The following ZBTB8B variants were observed in gnomAD, a reference collection of about 807,000 sequenced individuals.
ZBTB8B encodes zinc finger and BTB domain containing 8B.
In ZBTB8B, 17 loss-of-function variants were observed where a neutral mutation model predicts 30.3. The ratio of observed to expected loss-of-function variants is 0.56; its 90% CI spans 0.38 to 0.84. The LOEUF (loss-of-function observed/expected upper bound fraction) is 0.84. ZBTB8B is among the 40% of genes least tolerant of loss of function. The pLI, the probability that ZBTB8B is intolerant of heterozygous loss-of-function variation, is 0.00. For synonymous variants in ZBTB8B, 248 were observed against 255.6 expected (o/e 0.97, Z 0.28); for missense variants, 515 against 644.9 (o/e 0.80, Z 2.18).
In ZBTB8B at chr1:32,483,747, A is replaced by AG. The variant is rs201470355; in HGVS notation, c.1171-1351dup. ...TCAATTACCAAAGGTGTCCAATGAGAGGGAAAAAAAAAACCATGTCAAAAA... is the reference window on the plus strand; with the variant it reads ...TCAATTACCAAAGGTGTCCAATGAGAGGGGAAAAAAAAAACCATGTCAAAAA... On this transcript the variant is annotated intron_variant, in intron 3 of 3. Transcript: ENST00000609129. 7.0e-3 allele frequency among the ~76,000 whole-genome samples: 1,065 copies of AG among 151,930 alleles called. 15 individuals carry two copies. The highest frequency in any genetic ancestry group is 0.024 in the African/African-American group (1,000 of 41,412).
rs991427937 is a variant in ZBTB8B, at chr1:32,495,390, A to G, written c.*9972A>G. ...ATTCCTGGTTTTTAATGAAATATTT[A>G]TCTAGTTTGGGATTAAAATTAACTT... On this transcript the variant is annotated 3_prime_UTR_variant, in exon 4 of 4. Transcript: ENST00000609129. The G allele has an allele frequency of 2.6e-5, 4 of 152,192 alleles. No homozygotes were observed. The highest frequency in any genetic ancestry group is 9.7e-5 in the African/African-American group (4 of 41,442). 9.4% of individuals were successfully genotyped at this position (152,192 alleles called of 1,614,324 possible).
intron 1 of ZBTB8B, among the ~76,000 whole-genome samples, chr1:32,469,064 G>A (rs967145041): frequency 1.3e-5 from 2 of 151,606 alleles, no homozygotes; most frequent in African/African-American, 4.9e-5. Context: ...AGGCGCAGTG[G>A]TATGCACCTG....
At position 32,487,341 on chromosome 1, in the gene ZBTB8B, A is replaced by C. The variant is rs147550822; in HGVS notation, c.*1923A>C. On this transcript the variant is annotated 3_prime_UTR_variant, in exon 4 of 4. Transcript: ENST00000609129. Reference sequence around the variant, plus strand: ...CTACAAGGAAAGTCAGAAATTAAGAATACACATATAGAAATGTTGATAACA... The same window carrying C: ...CTACAAGGAAAGTCAGAAATTAAGACTACACATATAGAAATGTTGATAACA... 156 of 152,342 alleles carry C rather than the reference A, an allele frequency of 1.0e-3. No individual in the cohort carries two copies. Among genetic ancestry groups the C allele is most frequent in the African/African-American group, 3.7e-3 (155 of 41,570 alleles). 9.4% of individuals were successfully genotyped at this position (152,342 alleles called of 1,614,324 possible).
chr1:32,481,782 C>T (rs1470722349), intron 3 of ZBTB8B, among the ~76,000 whole-genome samples: 1 of 152,132 alleles, frequency 6.6e-6, no homozygotes, highest in Non-Finnish European at 1.5e-5. Context: ...CGGTAGACCC[C>T]AGTGTCTGCC....
chr1:32,492,296 CT>C lies in ZBTB8B; in HGVS notation c.*6901del, dbSNP rs757432694. 8,722 of 123,006 alleles carry C rather than the reference CT, an allele frequency of 0.071. 324 individuals are homozygous for C. Among genetic ancestry groups the C allele is most frequent in the African/African-American group, 0.14 (4,281 of 31,336 alleles). 7.6% of individuals were successfully genotyped at this position (123,006 alleles called of 1,614,324 possible). ...AAACACAGGCTCTTGGTAACCGTGC[CT>C]TTTTTTTTTTTTTTTTTTTTTTAAA... On this transcript the variant is annotated 3_prime_UTR_variant, in exon 4 of 4. Coordinates refer to ENST00000609129, the MANE Select transcript of ZBTB8B (RefSeq NM_001145720.2).
rs922426880 is a variant in ZBTB8B at position 32,485,141 on chromosome 1, G to A, written c.1211G>A (p.Arg404Lys). The A allele has an allele frequency of 6.4e-7, 1 of 1,552,188 alleles. No individual in the cohort carries two copies. Among genetic ancestry groups the A allele is most frequent in the Non-Finnish European group, 8.7e-7 (1 of 1,147,112 alleles). ...SNRPIICKGC[R>K]RTFTSHLSQG... Reference sequence around the variant, plus strand: ...CGTCCAATCATCTGCAAGGGCTGCAGGAGAACATTCACGAGTCACCTGTCC... The same window carrying A: ...CGTCCAATCATCTGCAAGGGCTGCAAGAGAACATTCACGAGTCACCTGTCC... Residue 404 changes from arginine to lysine, a missense_variant, in exon 4 of 4, where the codon AGG becomes AAG. Arg to Lys is a conservative substitution (Grantham distance 26, BLOSUM62 2). This residue lies in a region of ZBTB8B where 429 missense variants were observed against 504.3 expected (regional missense o/e 0.85). Coordinates refer to ENST00000609129, the MANE Select transcript of ZBTB8B (RefSeq NM_001145720.2).
At chr1:32,479,507 A>C (rs1048707468) in intron 2 of ZBTB8B, among the ~76,000 whole-genome samples, 4 of 152,210 alleles carry the variant, frequency 2.6e-5, no homozygotes, top group African/African-American at 9.7e-5. Context: ...TGGGTTATAG[A>C]GTGAGACTCC....
rs772647189 is a variant in ZBTB8B, at chr1:32,471,473, G to T, written c.849G>T (p.Ala283=). The change falls in exon 2 of 4, where the codon GCG becomes GCT. Residue 283 remains alanine (A), a synonymous_variant. Transcript: ENST00000609129. Reference sequence around the variant, plus strand: ...ACCACGTGAAGCAGTTCCTGGAGGCGCTCTTGCGCAACAGCGCTGCCCCGA... The same window carrying T: ...ACCACGTGAAGCAGTTCCTGGAGGCTCTCTTGCGCAACAGCGCTGCCCCGA... ...SNYHVKQFLE[A]LLRNSAAPSK... is the part of the protein sequence containing the mutation. The T allele has an allele frequency of 3.2e-6, 5 of 1,551,818 alleles. No individual in the cohort carries two copies. In the South Asian group the frequency reaches 5.9e-5, roughly 18 times the overall value.
At chr1:32,481,654 CA>C (rs1219343248) in intron 3 of ZBTB8B, among the ~76,000 whole-genome samples, 2 of 152,160 alleles carry the variant, frequency 1.3e-5, no homozygotes, top group African/African-American at 2.4e-5. Flanking sequence ...CTTTTAGGTT[CA>C]GGGGTAAACG....
At chr1:32,470,205 A>G (rs1418454169) in intron 1 of ZBTB8B, among the ~76,000 whole-genome samples, 1 of 152,188 alleles carries the variant, frequency 6.6e-6, no homozygotes, top group East Asian at 1.9e-4. Context: ...AAAATTTTTA[A>G]AAGAAATCTT....
chr1:32,492,365 C>A lies in ZBTB8B; in HGVS notation c.*6947C>A, dbSNP rs1300083843. ...GTTGCCAGGCTGGAGTGCAGTGGTGCAATCTCGGCTCACCACAACCTCCGC... is the reference window on the plus strand; with the variant it reads ...GTTGCCAGGCTGGAGTGCAGTGGTGAAATCTCGGCTCACCACAACCTCCGC... On this transcript the variant is annotated 3_prime_UTR_variant, in exon 4 of 4. Transcript: ENST00000609129. The A allele has an allele frequency of 1.4e-5, 2 of 146,614 alleles. No homozygotes were observed. The highest frequency in any genetic ancestry group is 2.9e-5 in the Non-Finnish European group (2 of 68,262). 9.1% of individuals were successfully genotyped at this position (146,614 alleles called of 1,614,324 possible).
chr1:32,487,864 TAAAAG>T lies in ZBTB8B; in HGVS notation c.*2451_*2455del, dbSNP rs958096640. 2.0e-5 allele frequency: 3 copies of T among 150,904 alleles called. No individual in the cohort carries two copies. The highest frequency in any genetic ancestry group is 7.3e-5 in the African/African-American group (3 of 41,036). The allele number at this position is 150,904 out of a possible 1,614,324, so 9.3% of individuals were successfully genotyped here. ...AAAAAATAATAATAAAATAAATAAA[TAAAAG>T]AAAAATATTCTAGATCAAGAGTTAC... is the stretch of plus-strand genomic sequence containing the variant. On this transcript the variant is annotated 3_prime_UTR_variant, in exon 4 of 4. Coordinates refer to ENST00000609129, the MANE Select transcript of ZBTB8B (RefSeq NM_001145720.2).
intron 2 of ZBTB8B, 67 bp downstream of exon 2, chr1:32,471,682 T>C (rs1465914238): frequency 1.3e-5 from 19 of 1,471,532 alleles, no homozygotes; most frequent in Non-Finnish European, 1.6e-5. Context: ...CCTTGTGTTC[T>C]CCCATCATCA....
chr1:32,493,681 G>C lies in ZBTB8B; in HGVS notation c.*8263G>C, dbSNP rs1467362491. 2 of 151,446 alleles carry C rather than the reference G, an allele frequency of 1.3e-5. No individual in the cohort carries two copies. Among genetic ancestry groups the C allele is most frequent in the African/African-American group, 4.8e-5 (2 of 41,296 alleles). 9.4% of individuals were successfully genotyped at this position (151,446 alleles called of 1,614,324 possible). A position where few individuals can be genotyped will look rare whatever the true frequency, so the allele number is the denominator to read the frequency against. On this transcript the variant is annotated 3_prime_UTR_variant, in exon 4 of 4. Coordinates refer to ENST00000609129, the MANE Select transcript of ZBTB8B (RefSeq NM_001145720.2). ...GATAATGCCACTGCACTCCAGCCTG[G>C]GCGACGGAGTGAGACTCCATCTCAA...
Position 32,485,384 on chromosome 1 carries a change from A to T in ZBTB8B, c.1454A>T (p.Gln485Leu), listed in dbSNP as rs1314838116. ...GATTCTGATGACAAACCACAAATTC[A>T]GCCTAACTTATCAGACCGAGAGACA... is the stretch of plus-strand genomic sequence containing the variant. The part of the protein sequence containing the change: ...GDDSDDKPQI[Q>L]PNLSDRETLT Residue 485 changes from glutamine (Q) to leucine (L), a missense_variant, in exon 4 of 4, where the codon CAG becomes CTG. By Grantham distance (113) the Gln-to-Leu change is moderately radical (BLOSUM62 -2). Around this residue, in one of 3 missense-constraint regions of ZBTB8B, gnomAD observed 429 missense variants for 504.3 expected, o/e 0.85. Transcript: ENST00000609129. 1 of 1,552,056 alleles carries T rather than the reference A, an allele frequency of 6.4e-7. No homozygotes were observed. The highest frequency in any genetic ancestry group is 8.7e-7 in the Non-Finnish European group (1 of 1,146,986).
chr1:32,466,235 G>A (rs940702993), intron 1 of ZBTB8B, among the ~76,000 whole-genome samples: 1 of 152,198 alleles, frequency 6.6e-6, no homozygotes, highest in African/African-American at 2.4e-5. Flanking sequence ...AACAGAGACA[G>A]TTGTGTGATC....
intron 2 of ZBTB8B, among the ~76,000 whole-genome samples, chr1:32,475,816 GTTT>G (rs1331933358): frequency 2.4e-5 from 3 of 125,844 alleles, no homozygotes; most frequent in Admixed American, 8.1e-5. Flanking sequence ...AAGAGGGGAG[GTTT>G]TTTTTTTTTT....
Position 32,471,509 on chromosome 1 carries a change from T to C in ZBTB8B, c.885T>C (p.Asp295=), listed in dbSNP as rs1178801715. 6.4e-7 allele frequency: 1 copy of C among 1,551,816 alleles called. No individual in the cohort carries two copies. The highest frequency in any genetic ancestry group is 8.7e-7 in the Non-Finnish European group (1 of 1,147,024). Residue 295 remains aspartate (D), a synonymous_variant, in exon 2 of 4, where the codon GAT becomes GAC. Transcript: ENST00000609129. Reference sequence around the variant, plus strand: ...ACAGCGCTGCCCCGAGCAAGGATGATGCAGACCATCACTTTTCTAGGAGTT... The same window carrying C: ...ACAGCGCTGCCCCGAGCAAGGATGACGCAGACCATCACTTTTCTAGGAGTT... ...LRNSAAPSKD[D]ADHHFSRSLE...
rs1375515259 is a variant in ZBTB8B, at chr1:32,494,948, G to A, written c.*9530G>A. ...TGAGTAGCTGGGATTACAGAGGTAT[G>A]CCACCATGCCCGGCTAATTTTTGTA... is the stretch of plus-strand genomic sequence containing the variant. On this transcript the variant is annotated 3_prime_UTR_variant, in exon 4 of 4. Coordinates refer to ENST00000609129, the MANE Select transcript of ZBTB8B (RefSeq NM_001145720.2). 6.6e-6 allele frequency: 1 copy of A among 152,014 alleles called. No homozygotes were observed. The highest frequency in any genetic ancestry group is 1.5e-5 in the Non-Finnish European group (1 of 68,022). The allele number at this position is 152,014 out of a possible 1,614,324, so 9.4% of individuals were successfully genotyped here. A position where few individuals can be genotyped will look rare whatever the true frequency, so the allele number is the denominator to read the frequency against.
Sources: gnomAD v4.1 joint callset for allele counts (sites outside exome capture counted in the v4.1 genomes callset) on GRCh38, gnomAD v4.1.1 for gene constraint, gnomAD v4.1.1 regional missense constraint, MANE v1.5 for transcripts, NCBI Gene and HGNC (gene_info 2026-07-23, HGNC 2026-07-21) for gene names.